NBPF20: variants seen among roughly 807,000 people sequenced by gnomAD.
NBPF20 encodes NBPF family member NBPF20.
In NBPF20, 90 loss-of-function variants were observed where a neutral mutation model predicts 68.1. That is an observed-to-expected ratio of 1.32 (90% CI 1.11 to 1.58). The LOEUF is 1.58. Among genes scored for constraint, NBPF20 ranks in the 40% most tolerant of loss-of-function variants. The probability of loss-of-function intolerance (pLI) is 0.00; values close to 1 mark genes in which losing one functional copy is unlikely to be tolerated. For missense variants in NBPF20, 816 were observed against 601.2 expected (o/e 1.36, Z -3.74); for synonymous variants, 290 against 228.1 (o/e 1.27, Z -2.45).
chr1:145,409,074 C>T, upstream of NBPF20, among the ~76,000 whole-genome samples: 1 of 148,908 alleles, frequency 6.7e-6, no homozygotes, highest in Admixed American at 6.7e-5. Flanking sequence ...AGTTCATCAG[C>T]CTTTCAACCC....
upstream of NBPF20, among the ~76,000 whole-genome samples, chr1:145,409,254 C>T (rs1186429727): frequency 3.3e-5 from 5 of 151,742 alleles, no homozygotes; most frequent in Non-Finnish European, 7.4e-5. Flanking sequence ...CTTCGTGTGG[C>T]TATACCATGT....
the NBPF20 span, among the ~76,000 whole-genome samples, chr1:145,417,581 C>A: frequency 1.1e-5 from 1 of 87,738 alleles, no homozygotes; most frequent in Non-Finnish European, 2.3e-5. Flanking sequence ...AAACTGCTGC[C>A]AAAATATATG....
intron 137 of NBPF20, 41 bp from the exon 143 acceptor site, chr1:145,291,810 TC>T (rs1216468967): frequency 1.9e-6 from 3 of 1,611,084 alleles, no homozygotes; most frequent in Non-Finnish European, 2.5e-6. Flanking sequence ...CCAGGGAAAA[TC>T]AGAAACCACA....
At position 145,400,520 on chromosome 1, in the gene NBPF20, C is replaced by T. The variant is rs1395502894; in HGVS notation, c.641G>A (p.Ser214Asn). ...CTGGTTGGAGTCATAAGGGCCATGGCTATTTGAATAAGTGATGGCACATTC... is the reference window on the plus strand; with the variant it reads ...CTGGTTGGAGTCATAAGGGCCATGGTTATTTGAATAAGTGATGGCACATTC... The change falls in exon 6 of 138, where the codon AGC (serine) becomes AAC (asparagine). Residue 214 changes from serine (S) to asparagine (N), a missense_variant. Transcript: ENST00000369373. The T allele has an allele frequency of 1.2e-3, 1,964 of 1,612,886 alleles. 3 individuals carry two copies. The highest frequency in any genetic ancestry group is 1.5e-3 in the Non-Finnish European group (1,757 of 1,179,794).
the NBPF20 span, among the ~76,000 whole-genome samples, chr1:145,421,250 T>C: frequency 1.3e-5 from 2 of 152,216 alleles, no homozygotes; most frequent in Non-Finnish European, 2.9e-5. Flanking sequence ...TAATGCTTCT[T>C]TGGAATCGCA....
At chr1:145,394,541 A>T (rs1662119814) in intron 8 of NBPF20, among the ~76,000 whole-genome samples, 1 of 152,090 alleles carries the variant, frequency 6.6e-6, no homozygotes, top group Non-Finnish European at 1.5e-5. Context: ...TCTTTCACTG[A>T]GAGGTAGACA....
chr1:145,309,453 C>A (rs1661446079), intron 115 of NBPF20, among the ~76,000 whole-genome samples: 1 of 60,186 alleles, frequency 1.7e-5, no homozygotes. Flanking sequence ...TAGACACACA[C>A]ACACACACAC....
chr1:145,291,417 A>G, exon 138 of NBPF20: 5 of 1,607,162 alleles, frequency 3.1e-6, no homozygotes, highest in Non-Finnish European at 4.2e-6. Flanking sequence ...ATGCCCACTG[A>G]CCCATCCTAT....
intron 9 of NBPF20, among the ~76,000 whole-genome samples, chr1:145,393,450 C>CACAA: frequency 8.5e-6 from 1 of 117,810 alleles, no homozygotes; most frequent in African/African-American, 3.1e-5. Context: ...CACTCACACA[C>CACAA]ACACACAAAC....
the NBPF20 span, among the ~76,000 whole-genome samples, chr1:145,411,154 G>A: frequency 3.5e-5 from 5 of 144,152 alleles, no homozygotes; most frequent in African/African-American, 1.3e-4. Context: ...CCATATAAAT[G>A]GTAGAATCAG....
upstream of NBPF20, among the ~76,000 whole-genome samples, chr1:145,406,064 A>G (rs78141341): frequency 4.3e-5 from 6 of 139,714 alleles, no homozygotes; most frequent in East Asian, 6.2e-4. Context: ...GAATACAGGC[A>G]CCCGCCACCA....
Position 145,395,835 on chromosome 1 carries a change from AC to A in NBPF20, c.828-695del, listed in dbSNP as rs1456872852. Reference sequence around the variant, plus strand: ...CAACAAAAAAGACATCCACCCCAAAACCCCATCTGTAGGTCACCATCATCAA... The same window carrying A: ...CAACAAAAAAGACATCCACCCCAAAACCCATCTGTAGGTCACCATCATCAA... On this transcript the variant is annotated intron_variant, in intron 7 of 137. Transcript: ENST00000369373. 7.5e-5 allele frequency among the ~76,000 whole-genome samples: 11 copies of A among 147,310 alleles called. 1 individual carries two copies. Among genetic ancestry groups the A allele is most frequent in the Admixed American group, 2.7e-4 (4 of 15,036 alleles).
exon 10 of NBPF20, chr1:145,393,123 G>A: frequency 1.5e-6 from 1 of 681,214 alleles, no homozygotes; most frequent in Non-Finnish European, 2.4e-6. Context: ...ATACGTAAAA[G>A]GCACTTCTGT....
intron 2 of NBPF20, among the ~76,000 whole-genome samples, chr1:145,404,597 A>T (rs1195942923): frequency 7.2e-5 from 11 of 152,172 alleles, no homozygotes; most frequent in Non-Finnish European, 1.5e-4. Context: ...TAGATAGCAC[A>T]GGTTCTATTA....
At chr1:145,425,310 G>T in the NBPF20 span, among the ~76,000 whole-genome samples, 2 of 151,468 alleles carry the variant, frequency 1.3e-5, no homozygotes, top group Non-Finnish European at 2.9e-5. Flanking sequence ...GTACCCGCGG[G>T]TCCCGGACTC....
At chr1:145,290,077 G>GTCT (rs201632179) in exon 138 of NBPF20, 2 of 149,970 alleles carry the variant, frequency 1.3e-5, no homozygotes, top group Non-Finnish European at 2.9e-5. Context: ...GGCAGAGAAT[G>GTCT]TCTTCTTCTT....
At position 145,292,246 on chromosome 1, in the gene NBPF20, A is replaced by C. The variant is rs1448960492; in HGVS notation, c.16697+135T>G. On this transcript the variant is annotated intron_variant, in intron 137 of 137. Coordinates refer to ENST00000369373, the Ensembl canonical transcript of NBPF20. Reference sequence around the variant, plus strand: ...GGAAACCTAAACATCTACTGCAATGAAAACCAACAGCAATGACAGTAGGAG... The same window carrying C: ...GGAAACCTAAACATCTACTGCAATGCAAACCAACAGCAATGACAGTAGGAG... 2.3e-5 allele frequency: 15 copies of C among 650,816 alleles called. No homozygotes were observed. The Admixed American group carries it at 3.6e-4, about 15-fold the overall frequency. 40.3% of individuals were successfully genotyped at this position (650,816 alleles called of 1,614,324 possible).
chr1:145,393,777 T>C, intron 9 of NBPF20, 107 bp downstream of exon 14: 1 of 1,448,342 alleles, frequency 6.9e-7, no homozygotes, highest in Admixed American at 1.7e-5. Flanking sequence ...TAATTCAGAC[T>C]TGTCTGACAA....
the NBPF20 span, among the ~76,000 whole-genome samples, chr1:145,422,300 T>TC: frequency 2.0e-5 from 3 of 150,298 alleles, no homozygotes; most frequent in Non-Finnish European, 3.0e-5. Context: ...AACATCTAAT[T>TC]CAAGTCACAA....
Sources: allele counts gnomAD v4.1 joint callset (sites outside exome capture counted in the v4.1 genomes callset), GRCh38; gene constraint gnomAD v4.1.1; transcripts MANE v1.5; gene names NCBI Gene and HGNC (gene_info 2026-07-23, HGNC 2026-07-21).